Variants in FRMD4B observed in about 807,000 individuals in gnomAD.
FRMD4B encodes FERM domain containing 4B.
A neutral mutation model predicts 141.5 loss-of-function variants in FRMD4B; 74 were observed. That is an observed-to-expected ratio of 0.52 (90% CI 0.43 to 0.63). The LOEUF (loss-of-function observed/expected upper bound fraction) is 0.63. Among genes scored for constraint, FRMD4B ranks in the 30% least tolerant of loss-of-function variants. The pLI is 0.00. For synonymous variants in FRMD4B, 506 were observed against 467.9 expected (o/e 1.08, Z -1.05); for missense variants, 1,366 against 1,253.4 (o/e 1.09, Z -1.36).
chr3:69,354,754 C>T (rs982073889), intron 1 of FRMD4B, among the ~76,000 whole-genome samples: 2 of 152,144 alleles, frequency 1.3e-5, no homozygotes, highest in Non-Finnish European at 2.9e-5. Flanking sequence ...GTGGCTTTAT[C>T]TTCAGATCCT....
rs1247239438 is a variant in FRMD4B at position 69,196,395 on chromosome 3, G to C, written c.1094C>G (p.Ala365Gly). 5.0e-6 allele frequency: 8 copies of C among 1,604,634 alleles called. No homozygotes were observed. The highest frequency in any genetic ancestry group is 6.8e-6 in the Non-Finnish European group (8 of 1,175,638). The part of the protein sequence containing the change: ...QFYLDRKQSK[A>G]KIPSARSLDE... Reference sequence around the variant, plus strand: ...TAAACTCCTGGCTGAAGGAATTTTTGCCTAAGAGGCATACAACAATGAAAC... The same window carrying C: ...TAAACTCCTGGCTGAAGGAATTTTTCCCTAAGAGGCATACAACAATGAAAC... The change falls in exon 14 of 23, where the codon GCA (alanine) becomes GGA (glycine). Residue 365 changes from alanine (A) to glycine (G), a missense_variant and splice_region_variant. Ala to Gly is a moderately conservative substitution (Grantham distance 60). Coordinates refer to ENST00000398540, the MANE Select transcript of FRMD4B (RefSeq NM_015123.3).
chr3:69,461,995 C>T (rs1030079731), intron 1 of FRMD4B, among the ~76,000 whole-genome samples: 8 of 152,148 alleles, frequency 5.3e-5, no homozygotes, highest in African/African-American at 1.7e-4. Flanking sequence ...TCTATATTAT[C>T]CCAATGAATC....
chr3:69,378,044 T>C (rs531485855), intron 1 of FRMD4B, among the ~76,000 whole-genome samples: 17 of 151,310 alleles, frequency 1.1e-4, no homozygotes, highest in Admixed American at 5.9e-4. Flanking sequence ...GGTCTCGAAC[T>C]CCTGGCCTCA....
At chr3:69,538,511 C>A (rs1054735079) in intron 1 of FRMD4B, among the ~76,000 whole-genome samples, 2 of 152,114 alleles carry the variant, frequency 1.3e-5, no homozygotes, top group African/African-American at 4.8e-5. Flanking sequence ...TTACAGAACT[C>A]TTATAACATA....
intron 7 of FRMD4B, among the ~76,000 whole-genome samples, chr3:69,227,548 G>A (rs1252097666): frequency 6.6e-6 from 1 of 152,016 alleles, no homozygotes. Context: ...TGTAATCCCA[G>A]CTACTCAGGA....
intron 1 of FRMD4B, among the ~76,000 whole-genome samples, chr3:69,344,842 A>C (rs542320689): frequency 2.9e-4 from 44 of 152,278 alleles, no homozygotes; most frequent in African/African-American, 1.0e-3. Context: ...AAAAAGAAAA[A>C]ACAACCACAG....
intron 1 of FRMD4B, among the ~76,000 whole-genome samples, chr3:69,380,561 C>T (rs986304772): frequency 3.9e-5 from 6 of 152,158 alleles, no homozygotes; most frequent in Non-Finnish European, 7.3e-5. Flanking sequence ...TGCTTCTGTT[C>T]CCCCACTCTT....
rs767919144 is a variant in FRMD4B at position 69,216,250 on chromosome 3, G to C, written c.876+13C>G. 1 of 1,350,286 alleles carries C rather than the reference G, an allele frequency of 7.4e-7. No homozygotes were observed. Among genetic ancestry groups the C allele is most frequent in the African/African-American group, 1.4e-5 (1 of 69,972 alleles). 83.6% of individuals were successfully genotyped at this position (1,350,286 alleles called of 1,614,324 possible). On this transcript the variant is annotated intron_variant, in intron 11 of 22. Coordinates refer to ENST00000398540, the MANE Select transcript of FRMD4B (RefSeq NM_015123.3). The stretch of plus-strand genomic sequence containing the variant: ...GAACAGTTCAAAGTTCTCCTAAAGT[G>C]ATCCACACTTACCTTCCGAGGCTTC...
intron 5 of FRMD4B, among the ~76,000 whole-genome samples, chr3:69,285,343 C>T (rs1407192340): frequency 1.4e-5 from 2 of 140,632 alleles, no homozygotes; most frequent in Non-Finnish European, 3.0e-5. Flanking sequence ...GTGACAAGTT[C>T]AAGTGGCCAA....
intron 7 of FRMD4B, among the ~76,000 whole-genome samples, chr3:69,229,149 C>T (rs1259118048): frequency 1.3e-5 from 2 of 151,748 alleles, no homozygotes; most frequent in Admixed American, 6.6e-5. Context: ...GCTCAGCCTC[C>T]AAAGTAGCTA....
chr3:69,454,088 A>G (rs568561880), intron 1 of FRMD4B, among the ~76,000 whole-genome samples: 2 of 152,334 alleles, frequency 1.3e-5, no homozygotes, highest in South Asian at 4.1e-4. Context: ...TTGGATGAGG[A>G]GGCAGAACAC....
At chr3:69,485,457 C>T (rs1706199227) in intron 1 of FRMD4B, among the ~76,000 whole-genome samples, 1 of 152,200 alleles carries the variant, frequency 6.6e-6, no homozygotes, top group Non-Finnish European at 1.5e-5. Context: ...TGGGTGGCTG[C>T]AGCCCTGCTC....
intron 1 of FRMD4B, among the ~76,000 whole-genome samples, chr3:69,330,316 A>G (rs1702323282): frequency 6.9e-6 from 1 of 144,608 alleles, no homozygotes; most frequent in African/African-American, 2.6e-5. Flanking sequence ...CAAGGTATAC[A>G]ACATTATATT....
At chr3:69,366,892 C>T (rs545748651) in intron 1 of FRMD4B, among the ~76,000 whole-genome samples, 31 of 152,188 alleles carry the variant, frequency 2.0e-4, no homozygotes, top group African/African-American at 7.5e-4. Flanking sequence ...ACCTCAGCCT[C>T]CTGAGTAGCT....
intron 1 of FRMD4B, among the ~76,000 whole-genome samples, chr3:69,322,415 C>A (rs1056126371): frequency 1.3e-5 from 2 of 152,148 alleles, no homozygotes; most frequent in African/African-American, 2.4e-5. Context: ...AGTGCCTACC[C>A]TCCCAATGTG....
At chr3:69,337,528 A>C (rs952027911) in intron 1 of FRMD4B, among the ~76,000 whole-genome samples, 1 of 152,192 alleles carries the variant, frequency 6.6e-6, no homozygotes, top group Non-Finnish European at 1.5e-5. Context: ...CAACCTACAG[A>C]ATGGGAGAAA....
chr3:69,281,838 A>AAT (rs1553715922), intron 5 of FRMD4B, among the ~76,000 whole-genome samples: 58 of 128,218 alleles, frequency 4.5e-4, no homozygotes, highest in African/African-American at 1.5e-3. Context: ...AAAAAAAAAA[A>AAT]ATATATATAT....
chr3:69,431,455 A>G (rs1439844451), intron 2 of FRMD4B, among the ~76,000 whole-genome samples: 1 of 152,154 alleles, frequency 6.6e-6, no homozygotes, highest in African/African-American at 2.4e-5. Context: ...GCTCTTCCAC[A>G]TCTTTGCCCC....
chr3:69,342,322 A>T (rs1702766957), intron 1 of FRMD4B, among the ~76,000 whole-genome samples: 2 of 152,256 alleles, frequency 1.3e-5, no homozygotes, highest in South Asian at 4.1e-4. Context: ...CAAAGTGCAG[A>T]GTCAAGTGAT....
Sources: gnomAD v4.1 joint callset for allele counts (sites outside exome capture counted in the v4.1 genomes callset) on GRCh38, gnomAD v4.1.1 for gene constraint, MANE v1.5 for transcripts, NCBI Gene and HGNC (gene_info 2026-07-23, HGNC 2026-07-21) for gene names.